FAM168A: variants seen among roughly 807,000 people sequenced by gnomAD.
FAM168A encodes the protein family with sequence similarity 168 member A.
A neutral mutation model predicts 28.5 loss-of-function variants in FAM168A; 3 were observed. The observed-to-expected ratio is 0.11, with a 90% CI of 0.05 to 0.27. FAM168A has a LOEUF of 0.27. Among genes scored for constraint, FAM168A ranks in the 10% least tolerant of loss-of-function variants. The probability of loss-of-function intolerance (pLI) is 1.00; values close to 1 mark genes in which losing one functional copy is unlikely to be tolerated. For synonymous variants in FAM168A, 122 were observed against 124.2 expected, an observed-to-expected ratio of 0.98 and a Z score of 0.12; for missense variants, 222 against 311.5, an observed-to-expected ratio of 0.71 and a Z score of 2.16.
At chr11:73,424,993 A>G in intron 3 of FAM168A, 1 of 1,513,166 alleles carries the variant, frequency 6.6e-7, no homozygotes. Flanking sequence ...ATAGGCTGTA[A>G]TACAGATGAG....
intron 5 of FAM168A, among the ~76,000 whole-genome samples, chr11:73,409,976 A>G (rs2134479757): frequency 6.6e-6 from 1 of 152,340 alleles, no homozygotes; most frequent in South Asian, 2.1e-4. Context: ...TAAAATTTAA[A>G]GTTAGGAATA....
At position 73,418,609 on chromosome 11, in the gene FAM168A, C is replaced by G. The variant is rs527865400; in HGVS notation, c.277+1265G>C. Reference sequence around the variant, plus strand: ...AAATACAATGAATTCTTCTAGTCTACTTACTTAGTAGATTAATAATTTGTG... The same window carrying G: ...AAATACAATGAATTCTTCTAGTCTAGTTACTTAGTAGATTAATAATTTGTG... On this transcript the variant is annotated intron_variant, in intron 4 of 7. Transcript: ENST00000356467. 4.6e-5 allele frequency among the ~76,000 whole-genome samples: 7 copies of G among 152,304 alleles called. No individual in the cohort carries two copies. In the South Asian group the frequency reaches 1.4e-3, roughly 32 times the overall value.
In FAM168A at chr11:73,407,498, C is replaced by T. The variant is rs928240134; in HGVS notation, c.*18+15G>A. On this transcript the variant is annotated intron_variant, in intron 7 of 7. Coordinates refer to ENST00000356467, the MANE Select transcript of FAM168A (RefSeq NM_015159.3). ...TGTATCCCCCTCCCACTTCTCTCAC[C>T]CTGGCCACACTCACTTGGATGGGCT... The T allele has an allele frequency of 6.5e-7, 1 of 1,526,938 alleles. No individual in the cohort carries two copies. Among genetic ancestry groups the T allele is most frequent in the African/African-American group, 1.4e-5 (1 of 69,784 alleles). 94.6% of individuals were successfully genotyped at this position (1,526,938 alleles called of 1,614,324 possible).
intron 2 of FAM168A, chr11:73,451,942 GA>G (rs1382788475): frequency 6.6e-6 from 1 of 152,248 alleles, no homozygotes; most frequent in Non-Finnish European, 1.5e-5. Flanking sequence ...CTCTGTGACA[GA>G]AACAAGTCCT....
At chr11:73,596,789 T>G (rs1016268127) in intron 1 of FAM168A, among the ~76,000 whole-genome samples, 1 of 151,930 alleles carries the variant, frequency 6.6e-6, no homozygotes, top group African/African-American at 2.4e-5. Flanking sequence ...GCCCCATCCA[T>G]ACCAACAGCT....
chr11:73,520,052 T>C (rs749465799), intron 1 of FAM168A, among the ~76,000 whole-genome samples: 2 of 151,630 alleles, frequency 1.3e-5, no homozygotes, highest in Non-Finnish European at 2.9e-5. Flanking sequence ...TTATTATTAT[T>C]ATTATTATTT....
chr11:73,513,915 G>A (rs1275814045), intron 1 of FAM168A, among the ~76,000 whole-genome samples: 1 of 152,154 alleles, frequency 6.6e-6, no homozygotes, highest in Non-Finnish European at 1.5e-5. Context: ...CAGGTATGGT[G>A]ACTCATGCCT....
In FAM168A at chr11:73,580,154, A is replaced by G. The variant is rs554165223; in HGVS notation, c.-19+17769T>C. 20 of 363,876 alleles carry G rather than the reference A, an allele frequency of 5.5e-5. No individual in the cohort carries two copies. In the East Asian group the frequency reaches 7.0e-4, roughly 13 times the overall value. The allele number at this position is 363,876 out of a possible 1,614,324, so 22.5% of individuals were successfully genotyped here. On this transcript the variant is annotated intron_variant, in intron 1 of 7. Coordinates refer to ENST00000356467, the MANE Select transcript of FAM168A (RefSeq NM_015159.3). ...GAATAAGTAAAAAACAAAAACCAGAAGAAGAGGTGAGAACGACCCCCAGAC... is the reference window on the plus strand; with the variant it reads ...GAATAAGTAAAAAACAAAAACCAGAGGAAGAGGTGAGAACGACCCCCAGAC...
chr11:73,448,944 T>G (rs898515767), intron 2 of FAM168A, among the ~76,000 whole-genome samples: 13 of 152,120 alleles, frequency 8.5e-5, no homozygotes, highest in Non-Finnish European at 1.9e-4. Flanking sequence ...GTTTTGTTTT[T>G]TTCTCTCTCT....
chr11:73,506,045 C>T (rs1855109677), intron 1 of FAM168A, among the ~76,000 whole-genome samples: 1 of 152,188 alleles, frequency 6.6e-6, no homozygotes, highest in African/African-American at 2.4e-5. Flanking sequence ...TGCCCACTCT[C>T]ACACGCACTC....
At chr11:73,541,914 T>G (rs1476094073) in intron 1 of FAM168A, among the ~76,000 whole-genome samples, 1 of 152,180 alleles carries the variant, frequency 6.6e-6, no homozygotes, top group African/African-American at 2.4e-5. Context: ...AATGTCCCAG[T>G]TATTTAAAAC....
intron 1 of FAM168A, among the ~76,000 whole-genome samples, chr11:73,595,797 T>G (rs1454698247): frequency 6.6e-6 from 1 of 152,244 alleles, no homozygotes; most frequent in Non-Finnish European, 1.5e-5. Flanking sequence ...CTTTATTTAT[T>G]CACATCTGAC....
intron 1 of FAM168A, among the ~76,000 whole-genome samples, chr11:73,535,718 CCTT>C (rs1300965472): frequency 8.2e-6 from 1 of 122,258 alleles, no homozygotes; most frequent in Non-Finnish European, 1.7e-5. Flanking sequence ...CGCACCTCAC[CCTT>C]CTTTTTTTTT....
At chr11:73,546,854 T>C (rs936150490) in intron 1 of FAM168A, among the ~76,000 whole-genome samples, 2 of 151,968 alleles carry the variant, frequency 1.3e-5, no homozygotes, top group African/African-American at 4.8e-5. Context: ...TTAAAAGAAT[T>C]TTATTACAAT....
intron 1 of FAM168A, among the ~76,000 whole-genome samples, chr11:73,542,996 A>AG (rs1943677001): frequency 6.6e-6 from 1 of 152,178 alleles, no homozygotes; most frequent in African/African-American, 2.4e-5. Context: ...TTCTTCCCTC[A>AG]AATTATCAAT....
At chr11:73,511,456 C>G (rs1855224790) in intron 1 of FAM168A, among the ~76,000 whole-genome samples, 1 of 151,872 alleles carries the variant, frequency 6.6e-6, no homozygotes, top group Non-Finnish European at 1.5e-5. Context: ...CCAGGATGGT[C>G]TCGATCTCCT....
At chr11:73,432,205 T>C (rs1318342530) in intron 2 of FAM168A, among the ~76,000 whole-genome samples, 2 of 152,248 alleles carry the variant, frequency 1.3e-5, no homozygotes, top group Admixed American at 1.3e-4. Flanking sequence ...TTCTACCTTT[T>C]GGCTATTGTG....
At chr11:73,534,182 A>G (rs1322085758) in intron 1 of FAM168A, among the ~76,000 whole-genome samples, 1 of 152,224 alleles carries the variant, frequency 6.6e-6, no homozygotes, top group Non-Finnish European at 1.5e-5. Context: ...GTGTAAAACC[A>G]TAAAAACAAA....
At chr11:73,497,947 CAT>C (rs1256323270) in intron 1 of FAM168A, among the ~76,000 whole-genome samples, 1 of 152,138 alleles carries the variant, frequency 6.6e-6, no homozygotes, top group East Asian at 1.9e-4. Context: ...TTTTTTCTCA[CAT>C]ATTATTGATA....
Sources: gnomAD v4.1 joint callset for allele counts (sites outside exome capture counted in the v4.1 genomes callset) on GRCh38, gnomAD v4.1.1 for gene constraint, MANE v1.5 for transcripts, NCBI Gene and HGNC (gene_info 2026-07-23, HGNC 2026-07-21) for gene names.